The following AKR1C3 variants were observed in gnomAD, a reference collection of about 807,000 sequenced individuals.
AKR1C3 encodes the protein 3-alpha hydroxysteroid dehydrogenase, type II.
AKR1C3 carries 48 observed loss-of-function variants against 43.6 expected under a neutral mutation model. That is an observed-to-expected ratio of 1.10 (90% CI 0.87 to 1.40). AKR1C3 has a LOEUF of 1.40. Ranked by LOEUF, AKR1C3 falls within the 40% of genes most tolerant of loss-of-function variation. AKR1C3 has a pLI of 0.00. For synonymous variants in AKR1C3, 162 were observed against 139.6 expected (o/e 1.16, Z -1.13); for missense variants, 482 against 391.2 (o/e 1.23, Z -1.96).
chr10:5,106,557 C>G (rs1019942734), intron 8 of AKR1C3, among the ~76,000 whole-genome samples: 1 of 151,994 alleles, frequency 6.6e-6, no homozygotes, highest in Non-Finnish European at 1.5e-5. Context: ...TCGAGACCAG[C>G]CTGGCCAACA....
rs1340270944 is a variant in AKR1C3 at position 5,097,897 on chromosome 10, C to T, written c.369+347C>T. On this transcript the variant is annotated intron_variant, in intron 3 of 8. Coordinates refer to ENST00000380554, the MANE Select transcript of AKR1C3 (RefSeq NM_003739.6). ...CATGCAGTTGTGGTGCCCAATAAAA[C>T]TGCTGCACATGTGATGCACAATGAG... is the stretch of plus-strand genomic sequence containing the variant. The T allele has an allele frequency of 9.1e-6, 10 of 1,095,154 alleles. No homozygotes were observed. The East Asian group carries it at 7.7e-4, about 85-fold the overall frequency. 67.8% of individuals were successfully genotyped at this position (1,095,154 alleles called of 1,614,324 possible).
chr10:5,051,095 TTGTTG>T (rs1390768795), intron 1 of AKR1C3, among the ~76,000 whole-genome samples: 9 of 152,280 alleles, frequency 5.9e-5, no homozygotes, highest in African/African-American at 2.2e-4. Context: ...GTGTTTTGTT[TTGTTG>T]TTTGTTTGTT....
chr10:5,070,787 G>A (rs1342959870), intron 1 of AKR1C3, among the ~76,000 whole-genome samples: 1 of 152,198 alleles, frequency 6.6e-6, no homozygotes, highest in Admixed American at 6.5e-5. Context: ...GGCCTCACTA[G>A]ACACTAAATT....
chr10:5,082,866 G>A (rs1838866622), intron 1 of AKR1C3, among the ~76,000 whole-genome samples: 1 of 152,050 alleles, frequency 6.6e-6, no homozygotes, highest in Non-Finnish European at 1.5e-5. Flanking sequence ...CATAAAATTG[G>A]TACCAGCTCT....
chr10:5,066,531 A>G (rs1838505570), intron 1 of AKR1C3, among the ~76,000 whole-genome samples: 1 of 152,074 alleles, frequency 6.6e-6, no homozygotes, highest in Non-Finnish European at 1.5e-5. Context: ...GGTTGCATAT[A>G]AGCATTTAAA....
intron 4 of AKR1C3, 122 bp from the exon 5 acceptor site, chr10:5,099,205 A>T: frequency 1.3e-6 from 2 of 1,499,094 alleles, no homozygotes; most frequent in Non-Finnish European, 1.8e-6. Context: ...TTTTTTGACA[A>T]TCACTGCTAG....
At chr10:5,077,679 T>G in intron 1 of AKR1C3, 1 of 1,107,894 alleles carries the variant, frequency 9.0e-7, no homozygotes, top group East Asian at 5.0e-5. Flanking sequence ...CAGGATGGTT[T>G]GCTTGCCATT....
At chr10:5,059,454 A>G (rs7082803) in intron 1 of AKR1C3, among the ~76,000 whole-genome samples, 111,863 of 151,492 alleles carry the variant, frequency 0.74, 41,392 homozygotes, top group South Asian at 0.83. Context: ...CCAACTTGTC[A>G]TCAGGAACCC....
In AKR1C3 at chr10:5,097,488, C is replaced by A. The variant is rs781983530; in HGVS notation, c.307C>A (p.Leu103Met). 1.1e-5 allele frequency: 17 copies of A among 1,613,742 alleles called. No homozygotes were observed. In the South Asian group the frequency reaches 1.6e-4, roughly 16 times the overall value. Reference sequence around the variant, plus strand: ...GGTCCGACCAGCCTTGGAAAACTCACTGAAGAAAGCTCAATTGGACTATGT... The same window carrying A: ...GGTCCGACCAGCCTTGGAAAACTCAATGAAGAAAGCTCAATTGGACTATGT... ...ELVRPALENS[L>M]KKAQLDYVDL... is the part of the protein sequence containing the mutation. Residue 103 changes from leucine to methionine, a missense_variant, in exon 3 of 9, where the codon CTG becomes ATG. Transcript: ENST00000380554.
chr10:5,091,303 G>A (rs911110490), upstream of AKR1C3, among the ~76,000 whole-genome samples: 2 of 152,082 alleles, frequency 1.3e-5, no homozygotes, highest in African/African-American at 2.4e-5. Flanking sequence ...TACCACAAAC[G>A]TTATGGCTTG....
intron 3 of AKR1C3, 106 bp downstream of exon 3, chr10:5,097,656 C>T: frequency 6.3e-7 from 1 of 1,587,862 alleles, no homozygotes; most frequent in Non-Finnish European, 8.5e-7. Flanking sequence ...TAGGGATTAT[C>T]ACACAGAAGA....
chr10:5,094,486 C>T lies in AKR1C3; in HGVS notation c.42C>T (p.His14=). Residue 14 remains histidine, a synonymous_variant, in exon 1 of 9, where the codon CAC becomes CAT. Coordinates refer to ENST00000380554, the MANE Select transcript of AKR1C3 (RefSeq NM_003739.6). ...AGTGTGTAAAGCTAAATGATGGCCA[C>T]TTCATGCCTGTATTGGGATTTGGCA... The part of the protein sequence containing the change: ...KHQCVKLNDG[H]FMPVLGFGTY... The T allele has an allele frequency of 1.2e-6, 2 of 1,612,826 alleles. No individual in the cohort carries two copies. Among genetic ancestry groups the T allele is most frequent in the Non-Finnish European group, 8.5e-7 (1 of 1,179,020 alleles).
In AKR1C3 at chr10:5,062,476, A is replaced by G. The variant is rs117525182; in HGVS notation, c.84+13581A>G. Among the ~76,000 whole-genome samples, 64 of 152,340 alleles carry G rather than the reference A, an allele frequency of 4.2e-4. No individual in the cohort carries two copies. In the East Asian group the frequency reaches 4.2e-3, roughly 10 times the overall value. On this transcript the variant is annotated intron_variant, in intron 1 of 8. Transcript: ENST00000439082. ...AGCTTTTCCCTCCAAACTCCAGGAC[A>G]GAACATAATAATGTGTGCTCTACAT... is the stretch of plus-strand genomic sequence containing the variant.
chr10:5,096,108 A>G (rs1337728182), intron 1 of AKR1C3: 1 of 234,694 alleles, frequency 4.3e-6, no homozygotes, highest in African/African-American at 2.3e-5. Context: ...TAATATCACT[A>G]TATTAAAAAT....
rs552148873 is a variant in AKR1C3 at position 5,085,598 on chromosome 10, T to C, written c.85-10812T>C. ...GATGACGCTGGCCTCATTAAATGAG[T>C]TAGGGAGGATTCCCTCTTTTTCTAT... On this transcript the variant is annotated intron_variant, in intron 1 of 8. Transcript: ENST00000439082. 3.7e-4 allele frequency among the ~76,000 whole-genome samples: 56 copies of C among 152,002 alleles called. 2 individuals carry two copies. The South Asian group carries it at 0.011, about 30-fold the overall frequency.
At chr10:5,075,200 A>T (rs1303567008) in intron 1 of AKR1C3, among the ~76,000 whole-genome samples, 3 of 149,048 alleles carry the variant, frequency 2.0e-5, no homozygotes, top group Non-Finnish European at 3.0e-5. Flanking sequence ...TCCCTCTCTC[A>T]TTTTTTTTTT....
In AKR1C3 at chr10:5,096,550, G is replaced by T; in HGVS notation, c.225G>T (p.Lys75Asn). 1.2e-6 allele frequency: 2 copies of T among 1,613,762 alleles called. No individual in the cohort carries two copies. Among genetic ancestry groups the T allele is most frequent in the Non-Finnish European group, 1.7e-6 (2 of 1,179,736 alleles). ...GCAAGATTGCAGATGGCAGTGTGAA[G>T]AGAGAAGACATATTCTACACTTCAA... ...IRSKIADGSV[K>N]REDIFYTSKL... The change falls in exon 2 of 9, where the codon AAG becomes AAT. Residue 75 changes from lysine (K) to asparagine (N), a missense_variant. By Grantham distance (94) the Lys-to-Asn change is moderately conservative. Transcript: ENST00000380554.
At chr10:5,093,384 T>G (rs1327580626), upstream of AKR1C3, 2 of 152,040 alleles carry the variant, frequency 1.3e-5, no homozygotes, top group African/African-American at 4.8e-5. Flanking sequence ...CTCAACTTAC[T>G]TTTTGGTTAT....
intron 1 of AKR1C3, among the ~76,000 whole-genome samples, chr10:5,081,058 A>C (rs781934492): frequency 9.2e-5 from 14 of 152,174 alleles, no homozygotes; most frequent in Non-Finnish European, 1.6e-4. Flanking sequence ...TTCTAGGATC[A>C]AATCAGTTCC....
Sources: allele counts gnomAD v4.1 joint callset (sites outside exome capture counted in the v4.1 genomes callset), GRCh38; gene constraint gnomAD v4.1.1; transcripts MANE v1.5; gene names NCBI Gene and HGNC (gene_info 2026-07-23, HGNC 2026-07-21).